PROC: variants seen among roughly 807,000 people sequenced by gnomAD.
PROC encodes the protein protein C, inactivator of coagulation factors Va and VIIIa, also known as vitamin K-dependent protein C.
PROC carries 22 observed loss-of-function variants against 36.3 expected under a neutral mutation model. The ratio of observed to expected loss-of-function variants is 0.61; its 90% CI spans 0.43 to 0.86. The LOEUF (loss-of-function observed/expected upper bound fraction) is 0.86. PROC is among the 40% of genes least tolerant of loss of function. The pLI is 0.00. For synonymous variants in PROC, 218 were observed against 244.5 expected, an observed-to-expected ratio of 0.89 and a Z score of 1.01; for missense variants, 526 against 629.7, an observed-to-expected ratio of 0.84 and a Z score of 1.76.
Position 127,423,269 on chromosome 2 carries a change from C to G in PROC, c.401-5C>G, listed in dbSNP as rs1448882306. 3 of 1,546,580 alleles carry G rather than the reference C, an allele frequency of 1.9e-6. No homozygotes were observed. The highest frequency in any genetic ancestry group is 1.2e-5 in the South Asian group (1 of 83,790). On this transcript the variant is annotated splice_polypyrimidine_tract_variant and splice_region_variant and intron_variant, in intron 5 of 8. Transcript: ENST00000234071. Reference sequence around the variant, plus strand: ...CCAGCTGCCCGCGCCCTCCCCTGCCCGCAGAGGTGAGCTTCCTCAATTGCT... The same window carrying G: ...CCAGCTGCCCGCGCCCTCCCCTGCCGGCAGAGGTGAGCTTCCTCAATTGCT...
chr2:127,421,527 G>A (rs923399894), intron 3 of PROC, 78 bp downstream of exon 3: 1 of 1,544,348 alleles, frequency 6.5e-7, no homozygotes, highest in Non-Finnish European at 8.9e-7. Context: ...AGCAGGTGGG[G>A]ACTCAATGCT....
chr2:127,423,208 C>T (rs1688234506), intron 5 of PROC, 37 bp downstream of exon 5: 1 of 614,208 alleles, frequency 1.6e-6, no homozygotes, highest in South Asian at 1.6e-5. Flanking sequence ...GGCGGCGGGG[C>T]GGGGCTGGGG....
rs980648106 is a variant in PROC, at chr2:127,426,857, G to A, written c.679-248G>A. ...TAAGGATGAGAGGAGCTCGCTGGGCGATGTTGGGTGTGGCTGAGGGTGACT... is the reference window on the plus strand; with the variant it reads ...TAAGGATGAGAGGAGCTCGCTGGGCAATGTTGGGTGTGGCTGAGGGTGACT... On this transcript the variant is annotated intron_variant, in intron 7 of 8. Transcript: ENST00000234071. The surrounding 1 kb of genome is among the most constrained non-coding windows in gnomAD (Gnocchi z 7.0). Among the ~76,000 whole-genome samples, 1 of 152,212 alleles carries A rather than the reference G, an allele frequency of 6.6e-6. No homozygotes were observed. The highest frequency in any genetic ancestry group is 2.4e-5 in the African/African-American group (1 of 41,460).
intron 5 of PROC, 41 bp from the exon 6 acceptor site, chr2:127,423,233 C>T: frequency 6.5e-7 from 1 of 1,528,878 alleles, no homozygotes; most frequent in East Asian, 2.5e-5. Flanking sequence ...GTTGGGGGCG[C>T]GGCACCAGCA....
Position 127,420,027 on chromosome 2 carries a change from C to A in PROC, c.70+15C>A, listed in dbSNP as rs1323845303. ...AGCTCCTCTTGGTAAGGCCACCCCA[C>A]CCCTACCCCGGGACCCTTGTGGCCT... On this transcript the variant is annotated intron_variant, in intron 2 of 8. Coordinates refer to ENST00000234071, the MANE Select transcript of PROC (RefSeq NM_000312.4). 2.5e-6 allele frequency: 4 copies of A among 1,612,536 alleles called. No individual in the cohort carries two copies. The highest frequency in any genetic ancestry group is 3.4e-6 in the Non-Finnish European group (4 of 1,179,782).
chr2:127,424,012 T>G (rs1468607790), intron 6 of PROC, among the ~76,000 whole-genome samples: 1 of 152,182 alleles, frequency 6.6e-6, no homozygotes, highest in East Asian at 1.9e-4. Context: ...GGTGGACCCT[T>G]TTAATGTGGA....
chr2:127,420,959 T>A (rs116428211), intron 2 of PROC, among the ~76,000 whole-genome samples: 322 of 152,290 alleles, frequency 2.1e-3, no homozygotes, highest in African/African-American at 7.1e-3. Context: ...GACGGTCTCA[T>A]CCCCATGTTT....
chr2:127,422,891 C>A, intron 3 of PROC, 26 bp from the exon 4 acceptor site: 1 of 1,552,496 alleles, frequency 6.4e-7, no homozygotes, highest in Non-Finnish European at 8.7e-7. Flanking sequence ...GCTGCAGGAG[C>A]CTGACGCTGC....
rs370637632 is a variant in PROC at position 127,428,772 on chromosome 2, G to A, written c.1212G>A (p.Gly404=). ...RQDACEGDSG[G]PMVASFHGTW... is the part of the protein sequence containing the mutation. ...ATGCCTGCGAGGGCGACAGTGGGGG[G>A]CCCATGGTCGCCTCCTTCCACGGCA... Residue 404 remains glycine (G), a synonymous_variant, in exon 9 of 9, where the codon GGG becomes GGA. Coordinates refer to ENST00000234071, the MANE Select transcript of PROC (RefSeq NM_000312.4). 549 of 1,612,456 alleles carry A rather than the reference G, an allele frequency of 3.4e-4. 2 individuals are homozygous for A. The highest frequency in any genetic ancestry group is 1.5e-3 in the South Asian group (134 of 91,084).
In PROC at chr2:127,426,340, T is replaced by C; in HGVS notation, c.678+113T>C. The C allele has an allele frequency of 2.7e-6, 4 of 1,471,066 alleles. No individual in the cohort carries two copies. Among genetic ancestry groups the C allele is most frequent in the Non-Finnish European group, 2.8e-6 (3 of 1,064,494 alleles). The allele number at this position is 1,471,066 out of a possible 1,614,324, so 91.1% of individuals were successfully genotyped here. A position where few individuals can be genotyped will look rare whatever the true frequency, so the allele number is the denominator to read the frequency against. On this transcript the variant is annotated intron_variant, in intron 7 of 8. Transcript: ENST00000234071. This position sits in a 1 kb window ranked among gnomAD's most constrained non-coding sequence, Gnocchi z 7.0. ...CGAGAGGGAAGCGCTGCCATTGCGT[T>C]TGGGGGATGATGAAGGTGGGGGATG... is the stretch of plus-strand genomic sequence containing the variant.
intron 8 of PROC, among the ~76,000 whole-genome samples, chr2:127,427,824 T>G (rs1390545432): frequency 6.6e-6 from 1 of 152,244 alleles, no homozygotes; most frequent in African/African-American, 2.4e-5. Flanking sequence ...CCCGTGGGGC[T>G]TGGCTTAGAA....
chr2:127,428,757 G>A lies in PROC; in HGVS notation c.1197G>A (p.Glu399=), dbSNP rs1397601160. Residue 399 remains glutamate (E), a synonymous_variant, in exon 9 of 9, where the codon GAG becomes GAA. Transcript: ENST00000234071. ...TCGGGGACCGGCAGGATGCCTGCGA[G>A]GGCGACAGTGGGGGGCCCATGGTCG... ...GILGDRQDAC[E]GDSGGPMVAS... is the part of the protein sequence containing the mutation. The A allele has an allele frequency of 6.2e-7, 1 of 1,613,166 alleles. No homozygotes were observed. Among genetic ancestry groups the A allele is most frequent in the East Asian group, 2.2e-5 (1 of 44,886 alleles).
chr2:127,421,977 G>A (rs2069919), intron 3 of PROC, among the ~76,000 whole-genome samples: 47,007 of 152,110 alleles, frequency 0.31, 7,614 homozygotes, highest in African/African-American at 0.34. Flanking sequence ...TCCTGTGGAC[G>A]TGGCCCTAGG....
intron 2 of PROC, among the ~76,000 whole-genome samples, chr2:127,420,277 C>T (rs1219576834): frequency 6.6e-6 from 1 of 152,168 alleles, no homozygotes; most frequent in African/African-American, 2.4e-5. Flanking sequence ...GGGATGGTCA[C>T]AGAGTCCCCT....
Position 127,428,502 on chromosome 2 carries a change from C to T in PROC, c.942C>T (p.Thr314=), listed in dbSNP as rs755005848. ...HLAQPATLSQ[T]IVPICLPDSG... is the part of the protein sequence containing the mutation. ...CCCAGCCCGCCACCCTCTCGCAGAC[C>T]ATAGTGCCCATCTGCCTCCCGGACA... The change falls in exon 9 of 9, where the codon ACC becomes ACT. Residue 314 remains threonine (T), a synonymous_variant. Transcript: ENST00000234071. 1.2e-6 allele frequency: 2 copies of T among 1,614,008 alleles called. No individual in the cohort carries two copies. The highest frequency in any genetic ancestry group is 1.3e-5 in the African/African-American group (1 of 74,950).
At chr2:127,427,690 C>A (rs936498839) in intron 8 of PROC, among the ~76,000 whole-genome samples, 2 of 152,194 alleles carry the variant, frequency 1.3e-5, no homozygotes, top group South Asian at 4.1e-4. Context: ...TATGCATTGG[C>A]CCCGATCTAT....
intron 6 of PROC, 176 bp downstream of exon 6, chr2:127,423,584 T>A: frequency 1.2e-6 from 1 of 810,088 alleles, no homozygotes. Flanking sequence ...GTTAGCGCAA[T>A]CAGCCCGGGA....
chr2:127,420,441 G>T (rs770543024), intron 2 of PROC, among the ~76,000 whole-genome samples: 1 of 152,162 alleles, frequency 6.6e-6, no homozygotes, highest in African/African-American at 2.4e-5. Context: ...CACAGCCAAC[G>T]GGAGGAGGCC....
chr2:127,427,309 C>T, intron 8 of PROC, 87 bp downstream of exon 8: 1 of 1,184,316 alleles, frequency 8.4e-7, no homozygotes, highest in Non-Finnish European at 1.2e-6. Flanking sequence ...GGACCCCGCT[C>T]CCCAGGTGCT....
Sources: allele counts gnomAD v4.1 joint callset (sites outside exome capture counted in the v4.1 genomes callset), GRCh38; gene constraint gnomAD v4.1.1; non-coding constraint Gnocchi (gnomAD v3.1); transcripts MANE v1.5; gene names NCBI Gene and HGNC (gene_info 2026-07-23, HGNC 2026-07-21).